Variants in IPO9 observed in about 807,000 individuals in gnomAD.
IPO9 encodes importin 9, also known as importin-9.
IPO9 carries 28 observed loss-of-function variants against 128.6 expected under a neutral mutation model. That is an observed-to-expected ratio of 0.22 (90% CI 0.16 to 0.30). IPO9 has a LOEUF of 0.30. IPO9 is among the 10% of genes least tolerant of loss of function. IPO9 has a pLI of 1.00. For synonymous variants in IPO9, 455 were observed against 475.8 expected, an observed-to-expected ratio of 0.96 and a Z score of 0.57; for missense variants, 935 against 1,293.9, an observed-to-expected ratio of 0.72 and a Z score of 4.26.
intron 5 of IPO9, among the ~76,000 whole-genome samples, chr1:201,852,607 A>G (rs1680241610): frequency 6.6e-6 from 1 of 152,202 alleles, no homozygotes. Flanking sequence ...TATATGAATG[A>G]TAACTCATTT....
rs73090423 is a variant in IPO9 at position 201,869,558 on chromosome 1, A to G, written c.2005-32A>G. 3,053 of 1,612,194 alleles carry G rather than the reference A, an allele frequency of 1.9e-3. 42 individuals are homozygous for G. In the African/African-American group the frequency reaches 0.036, roughly 19 times the overall value. On this transcript the variant is annotated intron_variant, in intron 16 of 23. Coordinates refer to ENST00000361565, the MANE Select transcript of IPO9 (RefSeq NM_018085.5). ...TTGGGCAACCCCCACCCCAGAGGCA[A>G]TTCTGACTTTTCTTTTTCTTCTCTC...
At chr1:201,843,615 G>A (rs924702163) in intron 1 of IPO9, among the ~76,000 whole-genome samples, 3 of 152,164 alleles carry the variant, frequency 2.0e-5, no homozygotes, top group African/African-American at 7.2e-5. Flanking sequence ...CAGACTTGAG[G>A]TCAAGAGTTC....
intron 20 of IPO9, among the ~76,000 whole-genome samples, chr1:201,873,527 C>T (rs1374691323): frequency 1.3e-5 from 2 of 150,364 alleles, no homozygotes; most frequent in East Asian, 2.0e-4. Context: ...GTGGGTGGAT[C>T]GCCTGAGGCC....
In IPO9 at chr1:201,884,055, G is replaced by A. The variant is rs1411279061; in HGVS notation, c.*8001G>A. The stretch of plus-strand genomic sequence containing the variant: ...ACCAGAGGGGGAGTGGTTCCTTCAA[G>A]TTTGCAGAACCAGTAAGTGGCAGAG... On this transcript the variant is annotated 3_prime_UTR_variant, in exon 24 of 24. Transcript: ENST00000361565. The A allele has an allele frequency of 6.6e-6, 1 of 152,238 alleles. No homozygotes were observed. The highest frequency in any genetic ancestry group is 1.5e-5 in the Non-Finnish European group (1 of 68,058). 9.4% of individuals were successfully genotyped at this position (152,238 alleles called of 1,614,324 possible). A position where few individuals can be genotyped will look rare whatever the true frequency, so the allele number is the denominator to read the frequency against.
Position 201,876,124 on chromosome 1 carries a change from T to A in IPO9, c.*70T>A. ...ACCATTTTGCAGCCCTCACTGGCCT[T>A]GAGATGCACTTTCTTCTCAACCTAA... On this transcript the variant is annotated 3_prime_UTR_variant, in exon 24 of 24. Coordinates refer to ENST00000361565, the MANE Select transcript of IPO9 (RefSeq NM_018085.5). 1 of 1,003,850 alleles carries A rather than the reference T, an allele frequency of 1.0e-6. No homozygotes were observed. Among genetic ancestry groups the A allele is most frequent in the Non-Finnish European group, 1.6e-6 (1 of 622,326 alleles). 62.2% of individuals were successfully genotyped at this position (1,003,850 alleles called of 1,614,324 possible).
chr1:201,847,772 G>T, intron 3 of IPO9, 134 bp downstream of exon 3: 3 of 671,270 alleles, frequency 4.5e-6, no homozygotes, highest in Non-Finnish European at 8.0e-6. Context: ...CTGGCATTGC[G>T]GGCATAGGGC....
chr1:201,849,574 A>G (rs1312063671), intron 4 of IPO9, among the ~76,000 whole-genome samples: 2 of 152,218 alleles, frequency 1.3e-5, no homozygotes, highest in East Asian at 1.9e-4. Flanking sequence ...TGCCAATTCT[A>G]TTCTTTCTCA....
intron 5 of IPO9, 152 bp downstream of exon 5, chr1:201,852,344 C>A: frequency 1.8e-6 from 1 of 544,684 alleles, no homozygotes; most frequent in Non-Finnish European, 3.3e-6. Flanking sequence ...TAACCTTAGA[C>A]CTTTCACTCA....
Position 201,872,971 on chromosome 1 carries a change from G to T in IPO9, c.2710+10G>T. 6.2e-7 allele frequency: 1 copy of T among 1,608,284 alleles called. No homozygotes were observed. The highest frequency in any genetic ancestry group is 8.5e-7 in the Non-Finnish European group (1 of 1,177,056). ...TCTAAGTCAGCCAAAAGTGGGTGCTGCTGCGATTCTTCCAATCCTCTCCCT... is the reference window on the plus strand; with the variant it reads ...TCTAAGTCAGCCAAAAGTGGGTGCTTCTGCGATTCTTCCAATCCTCTCCCT... On this transcript the variant is annotated intron_variant, in intron 20 of 23. Transcript: ENST00000361565.
intron 23 of IPO9, 73 bp downstream of exon 23, chr1:201,875,301 C>A (rs529470070): frequency 3.4e-5 from 45 of 1,311,510 alleles, no homozygotes; most frequent in Non-Finnish European, 4.5e-5. Flanking sequence ...GGCTCAAATC[C>A]ATTTATAGCC....
chr1:201,830,330 C>T (rs1679810117), intron 1 of IPO9, among the ~76,000 whole-genome samples: 1 of 152,342 alleles, frequency 6.6e-6, no homozygotes, highest in South Asian at 2.1e-4. Context: ...ATTGTCCCAT[C>T]ACACACCCAT....
At position 201,870,601 on chromosome 1, in the gene IPO9, C is replaced by A. The variant is rs1452681354; in HGVS notation, c.2152C>A (p.Arg718=). Residue 718 remains arginine, a synonymous_variant, in exon 18 of 24, where the codon CGG becomes AGG. Transcript: ENST00000361565. This position sits in a 1 kb window ranked among gnomAD's most constrained non-coding sequence, Gnocchi z 4.9. ...TCCCCAGAATGGCGGAGAGTGCTTG[C>A]GGGCCTATGTGTCAGTGACCCTGGA... ...ATMQNGGECL[R]AYVSVTLEQV... The A allele has an allele frequency of 8.7e-6, 14 of 1,613,760 alleles. No individual in the cohort carries two copies. The highest frequency in any genetic ancestry group is 2.7e-5 in the African/African-American group (2 of 75,052).
intron 1 of IPO9, among the ~76,000 whole-genome samples, chr1:201,830,314 T>A (rs1041263016): frequency 6.6e-5 from 10 of 152,358 alleles, no homozygotes; most frequent in African/African-American, 2.2e-4. Context: ...ATCAGAGATA[T>A]GGGAAATTGT....
At chr1:201,868,229 TATG>T (rs1391506853) in intron 15 of IPO9, among the ~76,000 whole-genome samples, 1 of 152,164 alleles carries the variant, frequency 6.6e-6, no homozygotes, top group Non-Finnish European at 1.5e-5. Flanking sequence ...AGGAGATATG[TATG>T]ATTTCTCTCA....
intron 6 of IPO9, among the ~76,000 whole-genome samples, chr1:201,853,332 T>C (rs1680258794): frequency 6.7e-6 from 1 of 148,944 alleles, no homozygotes. Context: ...CTCCTGGGCT[T>C]AAGTGATCCC....
At chr1:201,856,950 G>C (rs1279176229) in intron 10 of IPO9, 146 bp from the exon 11 acceptor site, 2 of 635,794 alleles carry the variant, frequency 3.1e-6, no homozygotes, top group African/African-American at 3.7e-5. Flanking sequence ...GCCTCCCAAA[G>C]TGTCAGGATT....
At chr1:201,862,008 C>T (rs1428124243) in intron 13 of IPO9, among the ~76,000 whole-genome samples, 1 of 152,028 alleles carries the variant, frequency 6.6e-6, no homozygotes, top group Non-Finnish European at 1.5e-5. Flanking sequence ...AGTTTGGAAA[C>T]CATAAAGGGA....
In IPO9 at chr1:201,872,917, A is replaced by G; in HGVS notation, c.2666A>G (p.Tyr889Cys). The G allele has an allele frequency of 6.2e-7, 1 of 1,613,982 alleles. No individual in the cohort carries two copies. Among genetic ancestry groups the G allele is most frequent in the Non-Finnish European group, 8.5e-7 (1 of 1,179,958 alleles). ...QDIRVKGEEI[Y>C]SMDEGIRTRS... The stretch of plus-strand genomic sequence containing the variant: ...ATCCGTGTGAAGGGAGAGGAGATCT[A>G]CAGCATGGATGAGGGCATCCGCACC... Residue 889 changes from tyrosine to cysteine, a missense_variant, in exon 20 of 24, where the codon TAC becomes TGC. By Grantham distance (194) the Tyr-to-Cys change is radical. This residue lies in a region of IPO9 where 188 missense variants were observed against 246.7 expected (regional missense o/e 0.76). Transcript: ENST00000361565.
chr1:201,844,244 G>A (rs1045249290), intron 1 of IPO9, among the ~76,000 whole-genome samples: 2 of 152,118 alleles, frequency 1.3e-5, no homozygotes, highest in South Asian at 4.1e-4. Context: ...TCAACATTAT[G>A]TACTCCCTAA....
Sources: allele counts gnomAD v4.1 joint callset (sites outside exome capture counted in the v4.1 genomes callset), GRCh38; gene constraint gnomAD v4.1.1; regional missense constraint gnomAD v4.1.1; non-coding constraint Gnocchi (gnomAD v3.1); transcripts MANE v1.5; gene names NCBI Gene and HGNC (gene_info 2026-07-23, HGNC 2026-07-21).